Variants in KIF18A observed in about 807,000 individuals in gnomAD.
KIF18A encodes kinesin family member 18A, also known as kinesin-like protein KIF18A.
KIF18A carries 67 observed loss-of-function variants against 103.3 expected under a neutral mutation model. The observed-to-expected ratio is 0.65, with a 90% CI of 0.53 to 0.79. The LOEUF (loss-of-function observed/expected upper bound fraction) is 0.79, where lower values mean the gene tolerates loss of function less well. Among genes scored for constraint, KIF18A ranks in the 30% least tolerant of loss-of-function variants. KIF18A has a pLI of 0.00. For missense variants in KIF18A, 1,032 were observed against 1,062.5 expected (o/e 0.97, Z 0.40); for synonymous variants, 367 against 355.5 (o/e 1.03, Z -0.36).
chr11:28,088,777 G>C (rs1339231679), intron 5 of KIF18A, 56 bp from the exon 6 acceptor site: 14 of 1,346,016 alleles, frequency 1.0e-5, no homozygotes, highest in Non-Finnish European at 1.4e-5. Flanking sequence ...AAAATTAAAA[G>C]GGAAATATAT....
At chr11:28,027,820 C>A (rs113486215) in intron 15 of KIF18A, among the ~76,000 whole-genome samples, 1 of 151,794 alleles carries the variant, frequency 6.6e-6, no homozygotes, top group Non-Finnish European at 1.5e-5. Flanking sequence ...AAAACAGAGG[C>A]GGAAGGAATA....
At chr11:28,100,487 C>T (rs1468068531) in intron 1 of KIF18A, among the ~76,000 whole-genome samples, 6 of 139,840 alleles carry the variant, frequency 4.3e-5, no homozygotes, top group Non-Finnish European at 6.1e-5. Flanking sequence ...GGAAAAAACC[C>T]GAAAGGAGAA....
intron 10 of KIF18A, chr11:28,076,397 C>T (rs1168856096): frequency 6.6e-6 from 1 of 152,114 alleles, no homozygotes; most frequent in African/African-American, 2.4e-5. Flanking sequence ...ACTGGCTAAC[C>T]TGAGTGGGTA....
chr11:28,089,425 C>T (rs1205645621), intron 5 of KIF18A, among the ~76,000 whole-genome samples: 1 of 152,120 alleles, frequency 6.6e-6, no homozygotes, highest in African/African-American at 2.4e-5. Context: ...AAAGTAAATA[C>T]ATAAACCAGT....
Position 28,088,533 on chromosome 11 carries a change from T to A in KIF18A, c.888A>T (p.Ala296=), listed in dbSNP as rs751723514. The A allele has an allele frequency of 6.2e-7, 1 of 1,612,366 alleles. No homozygotes were observed. Among genetic ancestry groups the A allele is most frequent in the Non-Finnish European group, 8.5e-7 (1 of 1,178,394 alleles). The part of the protein sequence containing the change: ...LALGNVINAL[A]DSKRKNQHIP... ...AACATATAATGCCTACCTTTGAATC[T>A]GCTAAGGCATTGATGACATTCCCAA... The change falls in exon 6 of 17, where the codon GCA becomes GCT. Residue 296 remains alanine, a synonymous_variant. Coordinates refer to ENST00000263181, the MANE Select transcript of KIF18A (RefSeq NM_031217.4).
chr11:28,098,465 T>C (rs1851403838), intron 1 of KIF18A, among the ~76,000 whole-genome samples: 1 of 152,172 alleles, frequency 6.6e-6, no homozygotes, highest in South Asian at 2.1e-4. Flanking sequence ...GAACTATTTT[T>C]AGTAAAAGTG....
chr11:28,046,139 T>C (rs1289592695), intron 13 of KIF18A, among the ~76,000 whole-genome samples: 2 of 151,956 alleles, frequency 1.3e-5, no homozygotes, highest in East Asian at 3.9e-4. Flanking sequence ...AGTGTGGCGA[T>C]TCCTCAGGGA....
intron 13 of KIF18A, among the ~76,000 whole-genome samples, chr11:28,053,398 GA>G (rs545493306): frequency 9.4e-5 from 14 of 148,378 alleles, no homozygotes; most frequent in African/African-American, 2.5e-4. Context: ...ATACAAATGT[GA>G]AAAAAAAAAT....
At chr11:28,094,529 G>T in intron 3 of KIF18A, 114 bp downstream of exon 3, 1 of 823,116 alleles carries the variant, frequency 1.2e-6, no homozygotes. Flanking sequence ...TTCAAGACAA[G>T]GAATTTTAAT....
At chr11:28,089,215 T>C (rs1413689781) in intron 5 of KIF18A, among the ~76,000 whole-genome samples, 5 of 152,152 alleles carry the variant, frequency 3.3e-5, no homozygotes, top group African/African-American at 9.7e-5. Context: ...AAATATCATA[T>C]ATAAAAAAGA....
At chr11:28,053,389 T>C (rs79635034) in intron 13 of KIF18A, among the ~76,000 whole-genome samples, 3,468 of 152,162 alleles carry the variant, frequency 0.023, 65 homozygotes, top group South Asian at 0.06. Context: ...TCCAGTCATA[T>C]ACAAATGTGA....
Position 28,083,154 on chromosome 11 carries a change from TATAAAC to T in KIF18A, c.1149+9_1149+14del, listed in dbSNP as rs769464630. The stretch of plus-strand genomic sequence containing the variant: ...GAACTGCGCAAGACTAGCATAAAAA[TATAAAC>T]AGACATACCTCTGCCTTCTGCTCAT... On this transcript the variant is annotated intron_variant, in intron 8 of 16. Transcript: ENST00000263181. The T allele has an allele frequency of 9.5e-6, 15 of 1,573,854 alleles. No homozygotes were observed. Among genetic ancestry groups the T allele is most frequent in the Admixed American group, 6.3e-5 (3 of 47,658 alleles).
chr11:28,058,862 T>C lies in KIF18A; in HGVS notation c.1948+64A>G, dbSNP rs548802246. ...TATTAAAATTAACTGTTCTATAGATTGATATACAAAGGTTCTCTTTAGAAA... is the reference window on the plus strand; with the variant it reads ...TATTAAAATTAACTGTTCTATAGATCGATATACAAAGGTTCTCTTTAGAAA... On this transcript the variant is annotated intron_variant, in intron 13 of 16. Coordinates refer to ENST00000263181, the MANE Select transcript of KIF18A (RefSeq NM_031217.4). 19 of 1,183,518 alleles carry C rather than the reference T, an allele frequency of 1.6e-5. No individual in the cohort carries two copies. The East Asian group carries it at 4.2e-4, about 26-fold the overall frequency. The allele number at this position is 1,183,518 out of a possible 1,614,324, so 73.3% of individuals were successfully genotyped here.
At chr11:28,045,654 C>T (rs1342309815) in intron 13 of KIF18A, among the ~76,000 whole-genome samples, 1 of 151,890 alleles carries the variant, frequency 6.6e-6, no homozygotes, top group South Asian at 2.1e-4. Flanking sequence ...TTAGCAAAAC[C>T]AGAGAAGAAA....
At chr11:28,037,802 C>T (rs551166460) in intron 13 of KIF18A, among the ~76,000 whole-genome samples, 2 of 151,602 alleles carry the variant, frequency 1.3e-5, no homozygotes, top group Non-Finnish European at 3.0e-5. Context: ...TCAGCCTTAT[C>T]TGATAATTCC....
At chr11:28,075,182 C>T (rs1312576662) in intron 10 of KIF18A, among the ~76,000 whole-genome samples, 1 of 152,086 alleles carries the variant, frequency 6.6e-6, no homozygotes, top group Non-Finnish European at 1.5e-5. Context: ...ATCCTTTATA[C>T]AACATCTTGT....
chr11:28,089,658 T>C (rs941371784), intron 5 of KIF18A, among the ~76,000 whole-genome samples: 1 of 152,216 alleles, frequency 6.6e-6, no homozygotes, highest in African/African-American at 2.4e-5. Context: ...TGGACTGTTG[T>C]TGACTGAAAT....
intron 13 of KIF18A, among the ~76,000 whole-genome samples, chr11:28,058,489 GAAAAAAAAAA>G (rs34177202): frequency 7.4e-5 from 4 of 54,246 alleles, no homozygotes; most frequent in African/African-American, 3.2e-4. Flanking sequence ...GTTTCTACAG[GAAAAAAAAAA>G]AAAAAAAAAA....
At chr11:28,072,540 G>A (rs1450477929) in intron 10 of KIF18A, among the ~76,000 whole-genome samples, 1 of 152,030 alleles carries the variant, frequency 6.6e-6, no homozygotes, top group African/African-American at 2.4e-5. Flanking sequence ...ACACTTCTGT[G>A]TAAAAACAAA....
Sources: gnomAD v4.1 joint callset for allele counts (sites outside exome capture counted in the v4.1 genomes callset) on GRCh38, gnomAD v4.1.1 for gene constraint, MANE v1.5 for transcripts, NCBI Gene and HGNC (gene_info 2026-07-23, HGNC 2026-07-21) for gene names.